PCDH15: variants seen among roughly 807,000 people sequenced by gnomAD.
PCDH15 encodes protocadherin related 15, also known as protocadherin-15.
Under a neutral mutation model 178.5 loss-of-function variants are expected in PCDH15, and 129 were observed. The ratio of observed to expected loss-of-function variants is 0.72; its 90% CI spans 0.63 to 0.84. The LOEUF is 0.84. Among genes scored for constraint, PCDH15 ranks in the 40% least tolerant of loss-of-function variants. PCDH15 has a pLI of 0.00. For missense variants in PCDH15, 2,230 were observed against 2,099.9 expected (o/e 1.06, Z -1.21); for synonymous variants, 800 against 732.0 (o/e 1.09, Z -1.50).
chr10:54,197,828 A>G (rs2049828195), intron 10 of PCDH15, among the ~76,000 whole-genome samples: 1 of 152,174 alleles, frequency 6.6e-6, no homozygotes, highest in African/African-American at 2.4e-5. Context: ...TTGAAATATT[A>G]TTTATGTCAA....
chr10:54,250,546 G>C (rs911523862), intron 8 of PCDH15, among the ~76,000 whole-genome samples: 1 of 151,840 alleles, frequency 6.6e-6, no homozygotes, highest in Non-Finnish European at 1.5e-5. Flanking sequence ...GCCTCTCAAA[G>C]TGCTGGGATT....
At chr10:55,330,838 ATGTGTGTGTGTGTG>A (rs71461291) in intron 2 of PCDH15, among the ~76,000 whole-genome samples, 2 of 144,614 alleles carry the variant, frequency 1.4e-5, no homozygotes, top group East Asian at 2.1e-4. Flanking sequence ...AGATTTATTT[ATGTGTGTGTGTGTG>A]TGTGTGTGTG....
chr10:54,963,812 A>G (rs1485111870), intron 2 of PCDH15, among the ~76,000 whole-genome samples: 1 of 152,198 alleles, frequency 6.6e-6, no homozygotes, highest in Non-Finnish European at 1.5e-5. Context: ...CCCCAATACA[A>G]TTCCAGGGTG....
chr10:55,306,238 C>T (rs570466508), intron 1 of PCDH15, among the ~76,000 whole-genome samples: 5 of 152,120 alleles, frequency 3.3e-5, no homozygotes, highest in Admixed American at 3.3e-4. Flanking sequence ...AACTTGCCCA[C>T]CTGAAAGTTG....
chr10:55,613,385 A>C (rs895522542), intron 2 of PCDH15, among the ~76,000 whole-genome samples: 2 of 152,172 alleles, frequency 1.3e-5, no homozygotes, highest in African/African-American at 2.4e-5. Flanking sequence ...AACAAAAAAC[A>C]TAATTGGGAT....
intron 2 of PCDH15, among the ~76,000 whole-genome samples, chr10:55,355,360 T>G (rs544885570): frequency 6.6e-6 from 1 of 152,146 alleles, no homozygotes; most frequent in African/African-American, 2.4e-5. Flanking sequence ...CCACCAGCAT[T>G]ATTCAAGTAT....
At chr10:54,626,399 T>C (rs2093551862) in intron 2 of PCDH15, among the ~76,000 whole-genome samples, 1 of 152,094 alleles carries the variant, frequency 6.6e-6, no homozygotes, top group Non-Finnish European at 1.5e-5. Context: ...TGGGCAGGGC[T>C]CAAAGTCCCC....
chr10:55,519,735 T>TC (rs1400694132), intron 2 of PCDH15, among the ~76,000 whole-genome samples: 2 of 129,246 alleles, frequency 1.5e-5, no homozygotes, highest in Non-Finnish European at 3.4e-5. Context: ...ATTATGTGTA[T>TC]CTTTTTTTTT....
At chr10:54,522,495 T>A (rs992578609) in intron 3 of PCDH15, among the ~76,000 whole-genome samples, 1 of 152,216 alleles carries the variant, frequency 6.6e-6, no homozygotes, top group African/African-American at 2.4e-5. Context: ...GTCTTAACTT[T>A]ATGCAGTTTT....
Position 53,984,767 on chromosome 10 carries a change from A to C in PCDH15, c.2868+10882T>G, listed in dbSNP as rs184569128. 1.2e-4 allele frequency among the ~76,000 whole-genome samples: 19 copies of C among 152,166 alleles called. No homozygotes were observed. In the East Asian group the frequency reaches 3.7e-3, roughly 29 times the overall value. ...TTTTTCCTATCTCTCTTTGCCACCAATGGCAATCTTTTTAATACATTTAAG... is the reference window on the plus strand; with the variant it reads ...TTTTTCCTATCTCTCTTTGCCACCACTGGCAATCTTTTTAATACATTTAAG... On this transcript the variant is annotated intron_variant, in intron 21 of 37. Coordinates refer to ENST00000644397, the MANE Select transcript of PCDH15 (RefSeq NM_001384140.1).
At chr10:54,728,327 T>C (rs1247195265) in intron 1 of PCDH15, among the ~76,000 whole-genome samples, 1 of 151,352 alleles carries the variant, frequency 6.6e-6, no homozygotes, top group Non-Finnish European at 1.5e-5. Flanking sequence ...AACAGAACTA[T>C]AAACCAAACC....
At chr10:55,423,868 A>G (rs1366376327) in intron 2 of PCDH15, among the ~76,000 whole-genome samples, 2 of 152,140 alleles carry the variant, frequency 1.3e-5, no homozygotes, top group African/African-American at 4.8e-5. Flanking sequence ...CATTTTTAAA[A>G]TGTAAGTTTT....
intron 2 of PCDH15, among the ~76,000 whole-genome samples, chr10:55,093,014 T>TA (rs1318943541): frequency 6.6e-6 from 1 of 152,028 alleles, no homozygotes; most frequent in Non-Finnish European, 1.5e-5. Context: ...AATTAAATCT[T>TA]ACAGATATAT....
At chr10:53,822,457 AAGGAGGAGAAATAGG>A (rs1394173326) in intron 32 of PCDH15, 1 of 1,599,846 alleles carries the variant, frequency 6.3e-7, no homozygotes. Context: ...GGAGGAGGAG[AAGGAGGAGAAATAGG>A]AGGAGGAGGG....
chr10:55,198,762 C>T (rs1435088457), intron 1 of PCDH15, among the ~76,000 whole-genome samples: 1 of 151,884 alleles, frequency 6.6e-6, no homozygotes, highest in Non-Finnish European at 1.5e-5. Flanking sequence ...GGATTACAGG[C>T]GTGAGCCACC....
chr10:54,607,984 C>CT (rs2092818867), intron 2 of PCDH15: 1 of 485,228 alleles, frequency 2.1e-6, no homozygotes, highest in African/African-American at 2.0e-5. Context: ...AAGGCTTTGC[C>CT]TACATCATTT....
chr10:54,189,167 T>C (rs2048741030), intron 11 of PCDH15, among the ~76,000 whole-genome samples: 2 of 152,012 alleles, frequency 1.3e-5, no homozygotes, highest in Non-Finnish European at 2.9e-5. Context: ...TATTTTTACC[T>C]TTTTTAACTT....
At chr10:54,224,991 T>C (rs1467204124) in intron 9 of PCDH15, among the ~76,000 whole-genome samples, 1 of 152,122 alleles carries the variant, frequency 6.6e-6, no homozygotes, top group Non-Finnish European at 1.5e-5. Context: ...ACCAAAATAA[T>C]TTAAATCCAT....
At chr10:54,829,742 G>A (rs143209600) in intron 3 of PCDH15, among the ~76,000 whole-genome samples, 1,856 of 152,070 alleles carry the variant, frequency 0.012, 21 homozygotes, top group Non-Finnish European at 0.019. Flanking sequence ...GGACCACCTG[G>A]ACAGTTGTAA....
Sources: gnomAD v4.1 joint callset for allele counts (sites outside exome capture counted in the v4.1 genomes callset) on GRCh38, gnomAD v4.1.1 for gene constraint, MANE v1.5 for transcripts, NCBI Gene and HGNC (gene_info 2026-07-23, HGNC 2026-07-21) for gene names.